The following NEGR1 variants were observed in gnomAD, a reference collection of about 807,000 sequenced individuals.
NEGR1 encodes the protein neuronal growth regulator 1.
Under a neutral mutation model 40.9 loss-of-function variants are expected in NEGR1, and 10 were observed. The observed-to-expected ratio is 0.24, with a 90% CI of 0.15 to 0.42. The LOEUF (loss-of-function observed/expected upper bound fraction) is 0.42, where lower values mean the gene tolerates loss of function less well. NEGR1 is among the 10% of genes least tolerant of loss of function. The pLI, the probability that NEGR1 is intolerant of heterozygous loss-of-function variation, is 1.00. For missense variants in NEGR1, 352 were observed against 438.9 expected (o/e 0.80, Z 1.77); for synonymous variants, 185 against 166.8 (o/e 1.11, Z -0.84).
intron 2 of NEGR1, among the ~76,000 whole-genome samples, chr1:71,819,356 A>C (rs1028372896): frequency 3.3e-5 from 5 of 151,926 alleles, no homozygotes; most frequent in Non-Finnish European, 7.4e-5. Flanking sequence ...GAAAAGTAGT[A>C]ACATAAAAAT....
intron 6 of NEGR1, among the ~76,000 whole-genome samples, chr1:71,458,359 G>C (rs1363110559): frequency 2.0e-5 from 3 of 152,148 alleles, no homozygotes; most frequent in African/African-American, 7.2e-5. Flanking sequence ...AACCTACTGT[G>C]TGTTTGTGCT....
chr1:71,879,393 T>C (rs1367597804), intron 2 of NEGR1, among the ~76,000 whole-genome samples: 1 of 152,130 alleles, frequency 6.6e-6, no homozygotes, highest in Non-Finnish European at 1.5e-5. Context: ...AGATAATACT[T>C]TTTAAAAACT....
At chr1:71,570,359 T>C (rs1648771374) in intron 6 of NEGR1, among the ~76,000 whole-genome samples, 1 of 152,138 alleles carries the variant, frequency 6.6e-6, no homozygotes. Flanking sequence ...ATTGGGGGTT[T>C]TTATATATCT....
intron 1 of NEGR1, among the ~76,000 whole-genome samples, chr1:72,171,329 G>A (rs1325404298): frequency 6.6e-6 from 1 of 152,064 alleles, no homozygotes; most frequent in Non-Finnish European, 1.5e-5. Context: ...TGCATACATG[G>A]AACATCAAAA....
chr1:71,561,212 A>G (rs1046229638), intron 6 of NEGR1, among the ~76,000 whole-genome samples: 8 of 151,744 alleles, frequency 5.3e-5, no homozygotes, highest in Admixed American at 4.0e-4. Flanking sequence ...CTTATCATAA[A>G]CATGATTAAA....
In NEGR1 at chr1:71,613,417, C is replaced by T. The variant is rs150848158; in HGVS notation, c.668-2271G>A. ...ATCCCAGCACTTTGGGAGGCCGAGGCGGGTGGATCACCTGAGGTCAGGAGT... is the reference window on the plus strand; with the variant it reads ...ATCCCAGCACTTTGGGAGGCCGAGGTGGGTGGATCACCTGAGGTCAGGAGT... On this transcript the variant is annotated intron_variant, in intron 4 of 6. Coordinates refer to ENST00000357731, the MANE Select transcript of NEGR1 (RefSeq NM_173808.3). Among the ~76,000 whole-genome samples the T allele has an allele frequency of 9.6e-3, 1,467 of 152,046 alleles. 9 individuals are homozygous for T. Among genetic ancestry groups the T allele is most frequent in the Non-Finnish European group, 0.015 (997 of 67,958 alleles).
intron 6 of NEGR1, among the ~76,000 whole-genome samples, chr1:71,446,340 T>C (rs1211715223): frequency 1.3e-5 from 2 of 152,146 alleles, no homozygotes; most frequent in Non-Finnish European, 2.9e-5. Context: ...AGGTTTCATG[T>C]TGTTTTAGAA....
At chr1:71,574,712 T>G (rs1648907600) in intron 6 of NEGR1, among the ~76,000 whole-genome samples, 1 of 152,182 alleles carries the variant, frequency 6.6e-6, no homozygotes, top group African/African-American at 2.4e-5. Context: ...TATGTTCTAT[T>G]TTAGCCCAAG....
chr1:72,167,603 A>T (rs1651813898), intron 1 of NEGR1, among the ~76,000 whole-genome samples: 1 of 152,034 alleles, frequency 6.6e-6, no homozygotes, highest in African/African-American at 2.4e-5. Context: ...TATTTCTATT[A>T]TTTCTTATTG....
At chr1:71,778,040 C>A (rs1398220196) in intron 2 of NEGR1, among the ~76,000 whole-genome samples, 2 of 152,042 alleles carry the variant, frequency 1.3e-5, no homozygotes, top group East Asian at 3.9e-4. Flanking sequence ...GTACAAAAAA[C>A]TTTGCATTAC....
At chr1:71,723,983 G>GA (rs909726020) in intron 3 of NEGR1, among the ~76,000 whole-genome samples, 9 of 150,488 alleles carry the variant, frequency 6.0e-5, no homozygotes, top group East Asian at 1.9e-4. Flanking sequence ...TGTCAAGAGG[G>GA]AAAAAAAAAG....
At chr1:71,595,027 C>T (rs930259593) in intron 5 of NEGR1, among the ~76,000 whole-genome samples, 16 of 152,320 alleles carry the variant, frequency 1.1e-4, no homozygotes, top group African/African-American at 3.6e-4. Flanking sequence ...CTCCATGGCA[C>T]TATATGCTTA....
chr1:72,152,235 A>C (rs1651153212), intron 1 of NEGR1, among the ~76,000 whole-genome samples: 1 of 151,972 alleles, frequency 6.6e-6, no homozygotes, highest in African/African-American at 2.4e-5. Context: ...ATACATTCAA[A>C]AATTAAAATA....
At chr1:71,496,514 T>C (rs900834668) in intron 6 of NEGR1, among the ~76,000 whole-genome samples, 21 of 152,282 alleles carry the variant, frequency 1.4e-4, no homozygotes, top group Middle Eastern at 3.4e-3. Flanking sequence ...GCCTTTTGGT[T>C]TTATTTTTAC....
At chr1:72,167,776 C>A (rs1487225856) in intron 1 of NEGR1, among the ~76,000 whole-genome samples, 1 of 151,882 alleles carries the variant, frequency 6.6e-6, no homozygotes, top group Non-Finnish European at 1.5e-5. Context: ...GAGATGTTCA[C>A]TTAATATCCT....
At chr1:72,140,574 A>G (rs899875266) in intron 1 of NEGR1, among the ~76,000 whole-genome samples, 5 of 152,124 alleles carry the variant, frequency 3.3e-5, no homozygotes, top group African/African-American at 1.2e-4. Context: ...ACGCTGTCAC[A>G]GTGACAAATA....
chr1:72,103,117 A>C (rs1367251484), intron 1 of NEGR1, among the ~76,000 whole-genome samples: 1 of 152,008 alleles, frequency 6.6e-6, no homozygotes, highest in Non-Finnish European at 1.5e-5. Flanking sequence ...TAAGTATACA[A>C]CATCATACCA....
chr1:71,485,234 T>TA (rs397819677), intron 6 of NEGR1, among the ~76,000 whole-genome samples: 2 of 151,110 alleles, frequency 1.3e-5, no homozygotes, highest in Non-Finnish European at 3.0e-5. Flanking sequence ...TATTTTTTTT[T>TA]ATCATAAAAC....
chr1:71,724,963 C>G (rs896791601), intron 3 of NEGR1, among the ~76,000 whole-genome samples: 3 of 152,120 alleles, frequency 2.0e-5, no homozygotes, highest in African/African-American at 7.2e-5. Context: ...CCTAGTTACT[C>G]TCTCAAAGCA....
Sources: allele counts gnomAD v4.1 joint callset (sites outside exome capture counted in the v4.1 genomes callset), GRCh38; gene constraint gnomAD v4.1.1; transcripts MANE v1.5; gene names NCBI Gene and HGNC (gene_info 2026-07-23, HGNC 2026-07-21).